The following PACRG variants were observed in gnomAD, a reference collection of about 807,000 sequenced individuals.
PACRG encodes the protein parkin coregulated gene protein.
A neutral mutation model predicts 29.7 loss-of-function variants in PACRG; 29 were observed. The ratio of observed to expected loss-of-function variants is 0.98; its 90% CI spans 0.73 to 1.33. The LOEUF (loss-of-function observed/expected upper bound fraction) is 1.33, where lower values mean the gene tolerates loss of function less well. PACRG is among the 40% of genes most tolerant of loss of function. The probability of loss-of-function intolerance (pLI) is 0.00; values close to 1 mark genes in which losing one functional copy is unlikely to be tolerated. For synonymous variants in PACRG, 116 were observed against 118.7 expected (o/e 0.98, Z 0.15); for missense variants, 279 against 316.2 (o/e 0.88, Z 0.89).
intron 3 of PACRG, among the ~76,000 whole-genome samples, chr6:163,085,614 C>T (rs1316377197): frequency 6.6e-6 from 1 of 152,218 alleles, no homozygotes; most frequent in Non-Finnish European, 1.5e-5. Context: ...GCTGGAGCAG[C>T]CCCTGCAGTG....
chr6:162,804,147 A>C (rs993775575), intron 1 of PACRG, among the ~76,000 whole-genome samples: 1 of 152,322 alleles, frequency 6.6e-6, no homozygotes, highest in Non-Finnish European at 1.5e-5. Flanking sequence ...TTAAAGGGAA[A>C]AGCACAAAGT....
At chr6:162,785,744 C>G (rs1784417880) in intron 1 of PACRG, among the ~76,000 whole-genome samples, 1 of 152,210 alleles carries the variant, frequency 6.6e-6, no homozygotes, top group Non-Finnish European at 1.5e-5. Context: ...ACTGATCTAA[C>G]AGGAGGCGGA....
At chr6:162,953,583 G>C (rs1799809881) in intron 2 of PACRG, among the ~76,000 whole-genome samples, 1 of 152,000 alleles carries the variant, frequency 6.6e-6, no homozygotes, top group African/African-American at 2.4e-5. Context: ...TTCTCTGACT[G>C]ACTATCAAGC....
chr6:163,234,049 A>C, intron 4 of PACRG, among the ~76,000 whole-genome samples: 1 of 152,208 alleles, frequency 6.6e-6, no homozygotes, highest in East Asian at 1.9e-4. Context: ...ATCATCATTA[A>C]AGGAAGAGTA....
At chr6:163,158,369 C>T (rs927334095) in intron 4 of PACRG, among the ~76,000 whole-genome samples, 6 of 152,270 alleles carry the variant, frequency 3.9e-5, no homozygotes, top group African/African-American at 1.4e-4. Flanking sequence ...AGCTGAACCA[C>T]GAAACCTCTT....
At chr6:162,730,947 T>C (rs1036684316) in intron 1 of PACRG, among the ~76,000 whole-genome samples, 1 of 152,172 alleles carries the variant, frequency 6.6e-6, no homozygotes, top group African/African-American at 2.4e-5. Flanking sequence ...TATTTTGTTG[T>C]CTTTATCTTG....
intron 2 of PACRG, among the ~76,000 whole-genome samples, chr6:162,947,377 C>CATATATGATATATATATCATATATGATT (rs1562765931): frequency 4.8e-4 from 10 of 20,940 alleles, no homozygotes; most frequent in African/African-American, 1.1e-3. Context: ...CATATATAAT[C>CATATATGATATATATATCATATATGATT]ATATATATAA....
rs139616299 is a variant in PACRG at position 162,905,908 on chromosome 6, A to G, written c.291+91627A>G. On this transcript the variant is annotated intron_variant, in intron 2 of 4. Transcript: ENST00000366888. ...GGCATGAACCAGAACTGTCCCCAGC[A>G]AACTAGAACCCGTGGTCTCCCTAAC... Among the ~76,000 whole-genome samples, 108 of 152,340 alleles carry G rather than the reference A, an allele frequency of 7.1e-4. 1 individual carries two copies. The highest frequency in any genetic ancestry group is 2.4e-3 in the African/African-American group (99 of 41,582).
At chr6:163,236,497 A>T (rs760042880) in intron 4 of PACRG, among the ~76,000 whole-genome samples, 1 of 152,236 alleles carries the variant, frequency 6.6e-6, no homozygotes, top group East Asian at 1.9e-4. Flanking sequence ...TTGAAGATTT[A>T]GTCTCACACA....
intron 4 of PACRG, among the ~76,000 whole-genome samples, chr6:163,255,217 C>A (rs945972854): frequency 1.3e-5 from 2 of 152,098 alleles, no homozygotes; most frequent in African/African-American, 4.8e-5. Context: ...CTGGGAGGCT[C>A]AGGAAAGGAG....
chr6:163,295,581 C>A lies in PACRG; in HGVS notation c.614-19246C>A, dbSNP rs902855057. 2.6e-5 allele frequency among the ~76,000 whole-genome samples: 4 copies of A among 152,258 alleles called. No homozygotes were observed. In the South Asian group the frequency reaches 6.2e-4, roughly 24 times the overall value. On this transcript the variant is annotated intron_variant, in intron 4 of 4. Coordinates refer to ENST00000366888, the MANE Select transcript of PACRG (RefSeq NM_001080379.2). ...TGAAAGAAAGTAACATTTTTTAGCA[C>A]CCCATAATTGTCAAGCTTTTGGCTA...
intron 2 of PACRG, among the ~76,000 whole-genome samples, chr6:162,901,644 G>A (rs958715664): frequency 6.6e-6 from 1 of 152,158 alleles, no homozygotes; most frequent in East Asian, 1.9e-4. Context: ...CTGTGGCACC[G>A]CCTTTGCTCA....
At chr6:162,910,507 G>GT (rs1796231536) in intron 2 of PACRG, among the ~76,000 whole-genome samples, 2 of 152,060 alleles carry the variant, frequency 1.3e-5, no homozygotes, top group Admixed American at 1.3e-4. Flanking sequence ...CCTTCAGATA[G>GT]TTGAACATAG....
intron 4 of PACRG, among the ~76,000 whole-genome samples, chr6:163,124,478 G>A (rs938760797): frequency 1.3e-5 from 2 of 152,142 alleles, no homozygotes; most frequent in African/African-American, 2.4e-5. Flanking sequence ...GTGACCTTGG[G>A]CACGTGAACA....
intron 2 of PACRG, among the ~76,000 whole-genome samples, chr6:162,829,614 A>T (rs980211614): frequency 6.6e-6 from 1 of 152,330 alleles, no homozygotes; most frequent in East Asian, 1.9e-4. Flanking sequence ...CGATGGTGGG[A>T]CCGTAAGATT....
intron 2 of PACRG, among the ~76,000 whole-genome samples, chr6:162,861,010 T>C (rs2128441352): frequency 6.6e-6 from 1 of 152,288 alleles, no homozygotes; most frequent in East Asian, 1.9e-4. Flanking sequence ...GGCCTCTTCC[T>C]GTAAATCAGC....
At chr6:162,746,245 G>A (rs1008402047) in intron 1 of PACRG, among the ~76,000 whole-genome samples, 4 of 152,056 alleles carry the variant, frequency 2.6e-5, no homozygotes, top group Non-Finnish European at 5.9e-5. Flanking sequence ...AATTTTCTGT[G>A]TCCTGCAATT....
At chr6:163,176,417 C>T (rs1237453019) in intron 4 of PACRG, among the ~76,000 whole-genome samples, 1 of 152,234 alleles carries the variant, frequency 6.6e-6, no homozygotes, top group Non-Finnish European at 1.5e-5. Flanking sequence ...AAGGAAAATG[C>T]TCACCACACA....
intron 4 of PACRG, among the ~76,000 whole-genome samples, chr6:163,298,587 C>G (rs742333): frequency 4.6e-5 from 7 of 151,970 alleles, no homozygotes; most frequent in Non-Finnish European, 1.0e-4. Flanking sequence ...ACTTTATGCA[C>G]AAAGATGTTG....
Sources: allele counts gnomAD v4.1 joint callset (sites outside exome capture counted in the v4.1 genomes callset), GRCh38; gene constraint gnomAD v4.1.1; transcripts MANE v1.5; gene names NCBI Gene and HGNC (gene_info 2026-07-23, HGNC 2026-07-21).